NDUFS2: variants seen among roughly 807,000 people sequenced by gnomAD.
NDUFS2 encodes the protein NADH:ubiquinone oxidoreductase core subunit S2, also known as NADH dehydrogenase [ubiquinone] iron-sulfur protein 2, mitochondrial.
In NDUFS2, 38 loss-of-function variants were observed where a neutral mutation model predicts 69.6. The ratio of observed to expected loss-of-function variants is 0.55; its 90% CI spans 0.42 to 0.72. NDUFS2 has a LOEUF of 0.72. Ranked by LOEUF, NDUFS2 falls within the 30% of genes least tolerant of loss-of-function variation. NDUFS2 has a pLI of 0.00. For missense variants in NDUFS2, 468 were observed against 595.0 expected, an observed-to-expected ratio of 0.79 and a Z score of 2.22; for synonymous variants, 194 against 211.2, an observed-to-expected ratio of 0.92 and a Z score of 0.70.
chr1:161,202,367 A>G lies in NDUFS2; in HGVS notation c.-19A>G, dbSNP rs143822837. On this transcript the variant is annotated 5_prime_UTR_variant, in exon 1 of 14. Coordinates refer to ENST00000676972, the MANE Select transcript of NDUFS2 (RefSeq NM_001377299.1). ...ACTTCCGCCCGGTTCTCCTTCCCGC[A>G]GTCTGCAGCCGGAGTAAGATGGCGG... is the stretch of plus-strand genomic sequence containing the variant. 151 of 1,605,716 alleles carry G rather than the reference A, an allele frequency of 9.4e-5. 1 individual carries two copies. In the African/African-American group the frequency reaches 1.5e-3, roughly 16 times the overall value.
Position 161,209,943 on chromosome 1 carries a change from C to CCCGG in NDUFS2, c.702+14_702+17dup, listed in dbSNP as rs776704187. The CCCGG allele has an allele frequency of 6.6e-4, 1,071 of 1,613,872 alleles. 1 individual carries two copies. Among genetic ancestry groups the CCCGG allele is most frequent in the South Asian group, 1.3e-3 (122 of 91,044 alleles). The stretch of plus-strand genomic sequence containing the variant: ...GAGGAGTGCACCAGGTGAGCAGGTC[C>CCCGG]CCGGCTTCCCCAAATGTCCAGCCCA... On this transcript the variant is annotated intron_variant, in intron 6 of 13. Transcript: ENST00000676972.
upstream of NDUFS2, among the ~76,000 whole-genome samples, chr1:161,197,694 CTG>C (rs1664909288): frequency 6.6e-6 from 1 of 151,694 alleles, no homozygotes; most frequent in Admixed American, 6.6e-5. Context: ...CTGCTGGGGA[CTG>C]TGTCAGTAGG....
Position 161,203,697 on chromosome 1 carries a change from G to T in NDUFS2, c.202+154G>T. Reference sequence around the variant, plus strand: ...TGTAGCCTTGAACTTCTGGGCTCAAGGCAACCTTCTGTCTCAGCCTCCCCA... The same window carrying T: ...TGTAGCCTTGAACTTCTGGGCTCAATGCAACCTTCTGTCTCAGCCTCCCCA... On this transcript the variant is annotated intron_variant, in intron 2 of 13. Transcript: ENST00000676972. 4 of 702,402 alleles carry T rather than the reference G, an allele frequency of 5.7e-6. No individual in the cohort carries two copies. In the South Asian group the frequency reaches 6.2e-5, roughly 11 times the overall value. 43.5% of individuals were successfully genotyped at this position (702,402 alleles called of 1,614,324 possible).
chr1:161,202,089 G>C, upstream of NDUFS2: 1 of 497,336 alleles, frequency 2.0e-6, no homozygotes, highest in Non-Finnish European at 3.7e-6. Context: ...GGCTCGGCGA[G>C]AGAGCACGAA....
chr1:161,210,206 G>A lies in NDUFS2; in HGVS notation c.780+18G>A. 6.2e-7 allele frequency: 1 copy of A among 1,613,484 alleles called. No homozygotes were observed. The highest frequency in any genetic ancestry group is 1.1e-5 in the South Asian group (1 of 91,062). ...TGGAGGAGGTAAGCTAGGAGTCAAT[G>A]GGAAAAATCTCTCCCCCACAAGAAG... On this transcript the variant is annotated intron_variant, in intron 7 of 13. Coordinates refer to ENST00000676972, the MANE Select transcript of NDUFS2 (RefSeq NM_001377299.1).
At chr1:161,204,096 C>G (rs537083687) in intron 2 of NDUFS2, among the ~76,000 whole-genome samples, 2 of 152,188 alleles carry the variant, frequency 1.3e-5, no homozygotes, top group African/African-American at 2.4e-5. Context: ...AAAGTCCCTA[C>G]CAATTTAAAT....
chr1:161,198,692 C>T, upstream of NDUFS2: 1 of 1,385,044 alleles, frequency 7.2e-7, no homozygotes, highest in East Asian at 2.5e-5. The surrounding 1 kb of genome is among the most constrained non-coding windows in gnomAD (Gnocchi z 4.7). Context: ...CACACCCTAG[C>T]TTTGGAAAGC....
chr1:161,214,293 G>GTT lies in NDUFS2; in HGVS notation c.*101_*102insTT. 9.0e-7 allele frequency: 1 copy of GTT among 1,114,394 alleles called. No homozygotes were observed. The allele number at this position is 1,114,394 out of a possible 1,614,324, so 69.0% of individuals were successfully genotyped here. On this transcript the variant is annotated 3_prime_UTR_variant, in exon 14 of 14. Transcript: ENST00000676972. ...TCTGTGTGTGTGTGTGTGTGTGTGT[G>GTT]TGTGTGTATGTTCATGTACACTTGG...
chr1:161,205,477 A>T (rs577310964), intron 2 of NDUFS2, among the ~76,000 whole-genome samples: 1 of 152,196 alleles, frequency 6.6e-6, no homozygotes, highest in African/African-American at 2.4e-5. Context: ...CTCAGATCCT[A>T]CCTACATGAA....
At position 161,213,690 on chromosome 1, in the gene NDUFS2, C is replaced by T. The variant is rs1665897025; in HGVS notation, c.1254C>T (p.Arg418=). Residue 418 remains arginine, a synonymous_variant, in exon 12 of 14, where the codon CGC becomes CGT. Coordinates refer to ENST00000676972, the MANE Select transcript of NDUFS2 (RefSeq NM_001377299.1). The stretch of plus-strand genomic sequence containing the variant: ...ACCTGGTGTCTGATGGCAGCAGCCG[C>T]CCTTATCGATGCAAGATCAAGGCTC... ...GVYLVSDGSS[R]PYRCKIKAPG... The T allele has an allele frequency of 6.2e-7, 1 of 1,614,102 alleles. No homozygotes were observed. The highest frequency in any genetic ancestry group is 1.3e-5 in the African/African-American group (1 of 74,938).
chr1:161,204,923 C>T (rs1665377375), intron 2 of NDUFS2, among the ~76,000 whole-genome samples: 1 of 152,002 alleles, frequency 6.6e-6, no homozygotes, highest in Non-Finnish European at 1.5e-5. Context: ...TGGTGGCACG[C>T]ACCTGTAATT....
At chr1:161,201,827 G>A (rs984475034), upstream of NDUFS2, among the ~76,000 whole-genome samples, 5 of 152,128 alleles carry the variant, frequency 3.3e-5, no homozygotes, top group Admixed American at 2.0e-4. Flanking sequence ...TTGGTTTGGC[G>A]GGAGCTCTCA....
Position 161,214,232 on chromosome 1 carries a change from T to C in NDUFS2, c.*39T>C, listed in dbSNP as rs1802273. 6.3e-7 allele frequency: 1 copy of C among 1,578,490 alleles called. No homozygotes were observed. The highest frequency in any genetic ancestry group is 8.7e-7 in the Non-Finnish European group (1 of 1,148,188). ...GTTTGATCCCCCCTGCCTATCAGCTTCTTCTGTGGAGCCTGTTCCTCACTG... is the reference window on the plus strand; with the variant it reads ...GTTTGATCCCCCCTGCCTATCAGCTCCTTCTGTGGAGCCTGTTCCTCACTG... On this transcript the variant is annotated 3_prime_UTR_variant, in exon 14 of 14. Transcript: ENST00000676972.
chr1:161,214,161 C>CA lies in NDUFS2; in HGVS notation c.1362dup (p.Asp455ArgfsTer61), dbSNP rs1421430707. 1 of 1,613,868 alleles carries CA rather than the reference C, an allele frequency of 6.2e-7. No homozygotes were observed. Reference sequence around the variant, plus strand: ...TCCTCCATCCTCTCACCTAGGTACCCAAGATATTGTATTTGGAGAAGTAGA... The same window carrying CA: ...TCCTCCATCCTCTCACCTAGGTACCCAAAGATATTGTATTTGGAGAAGTAGA... On this transcript the variant is annotated frameshift_variant, in exon 14 of 14. Transcript: ENST00000676972. LOFTEE classifies it high-confidence loss of function.
chr1:161,198,603 C>T (rs370465021), upstream of NDUFS2: 370 of 1,536,610 alleles, frequency 2.4e-4, no homozygotes, highest in Non-Finnish European at 2.9e-4. The surrounding 1 kb of genome is among the most constrained non-coding windows in gnomAD (Gnocchi z 4.7). Flanking sequence ...AAGCCCCTCC[C>T]GGGATGCGAG....
In NDUFS2 at chr1:161,210,347, T is replaced by C; in HGVS notation, c.824T>C (p.Ile275Thr). The C allele has an allele frequency of 1.2e-6, 2 of 1,613,940 alleles. No individual in the cohort carries two copies. Among genetic ancestry groups the C allele is most frequent in the South Asian group, 2.2e-5 (2 of 91,080 alleles). ...ATCTGGCGAAATCGGACAATTGACA[T>C]TGGGGTTGTAACAGCAGAAGAAGCA... ...NRIWRNRTID[I>T]GVVTAEEALN... Residue 275 changes from isoleucine to threonine, a missense_variant, in exon 8 of 14, where the codon ATT becomes ACT. Ile to Thr is a moderately conservative substitution (Grantham distance 89, BLOSUM62 -1). This residue lies in a region of NDUFS2 where 339 missense variants were observed against 433.8 expected (regional missense o/e 0.78). Coordinates refer to ENST00000676972, the MANE Select transcript of NDUFS2 (RefSeq NM_001377299.1).
intron 10 of NDUFS2, 153 bp from the exon 11 acceptor site, chr1:161,213,227 T>C (rs918206155): frequency 1.5e-6 from 1 of 670,276 alleles, no homozygotes; most frequent in African/African-American, 1.8e-5. Flanking sequence ...TAATCTCCCA[T>C]AGCTCTCCTG....
chr1:161,206,600 G>GT lies in NDUFS2; in HGVS notation c.393+4dup. 5 of 1,612,878 alleles carry GT rather than the reference G, an allele frequency of 3.1e-6. No individual in the cohort carries two copies. The highest frequency in any genetic ancestry group is 4.2e-6 in the Non-Finnish European group (5 of 1,179,904). On this transcript the variant is annotated splice_donor_region_variant and intron_variant, in intron 3 of 13. Transcript: ENST00000676972. ...TTGAATACAAGACCTATCTTCAGGT[G>GT]TGGGGGGTGAACAGGAGCCTTTTGG...
In NDUFS2 at chr1:161,206,605, G is replaced by T. The variant is rs772828911; in HGVS notation, c.393+8G>T. On this transcript the variant is annotated splice_region_variant and intron_variant, in intron 3 of 13. Transcript: ENST00000676972. ...TACAAGACCTATCTTCAGGTGTGGG[G>T]GGTGAACAGGAGCCTTTTGGCGGGA... The T allele has an allele frequency of 6.2e-7, 1 of 1,612,568 alleles. No homozygotes were observed. Among genetic ancestry groups the T allele is most frequent in the South Asian group, 1.1e-5 (1 of 90,976 alleles).
Sources: gnomAD v4.1 joint callset for allele counts (sites outside exome capture counted in the v4.1 genomes callset) on GRCh38, gnomAD v4.1.1 for gene constraint, gnomAD v4.1.1 regional missense constraint, Gnocchi (gnomAD v3.1) non-coding constraint, MANE v1.5 for transcripts, NCBI Gene and HGNC (gene_info 2026-07-23, HGNC 2026-07-21) for gene names.